C1QTNF7: variants seen among roughly 807,000 people sequenced by gnomAD.
The protein encoded by C1QTNF7 is complement C1q tumor necrosis factor-related protein 7.
A neutral mutation model predicts 19.6 loss-of-function variants in C1QTNF7; 15 were observed. The observed-to-expected ratio is 0.76, with a 90% CI of 0.51 to 1.18. The LOEUF (loss-of-function observed/expected upper bound fraction) is 1.18. C1QTNF7 is among the 50% of genes most tolerant of loss of function. The probability of loss-of-function intolerance (pLI) is 0.00; values close to 1 mark genes in which losing one functional copy is unlikely to be tolerated. For missense variants in C1QTNF7, 324 were observed against 359.7 expected, an observed-to-expected ratio of 0.90 and a Z score of 0.80; for synonymous variants, 142 against 137.5, an observed-to-expected ratio of 1.03 and a Z score of -0.23.
At chr4:15,405,147 CA>C (rs1719145732) in intron 1 of C1QTNF7, among the ~76,000 whole-genome samples, 1 of 152,182 alleles carries the variant, frequency 6.6e-6, no homozygotes, top group Non-Finnish European at 1.5e-5. Flanking sequence ...GGCACTGGTT[CA>C]GCTGCTCATT....
At chr4:15,388,894 A>G (rs777194001) in intron 1 of C1QTNF7, among the ~76,000 whole-genome samples, 14 of 152,262 alleles carry the variant, frequency 9.2e-5, no homozygotes, top group Non-Finnish European at 1.9e-4. Flanking sequence ...AGAGGACATG[A>G]GATTCACCTC....
intron 1 of C1QTNF7, among the ~76,000 whole-genome samples, chr4:15,377,179 C>A (rs1717971827): frequency 6.6e-6 from 1 of 152,130 alleles, no homozygotes; most frequent in African/African-American, 2.4e-5. Context: ...ATTGTTATAT[C>A]CAATATGACC....
intron 1 of C1QTNF7, among the ~76,000 whole-genome samples, chr4:15,361,652 T>C (rs1717347236): frequency 1.3e-5 from 2 of 152,182 alleles, no homozygotes; most frequent in Admixed American, 6.5e-5. Context: ...ACACATGCCC[T>C]GTGTAGTCAG....
chr4:15,430,519 T>C (rs191986680), intron 1 of C1QTNF7, among the ~76,000 whole-genome samples: 1 of 152,318 alleles, frequency 6.6e-6, no homozygotes, highest in East Asian at 1.9e-4. Context: ...GTATGTGGAG[T>C]GACAGCTAAG....
At chr4:15,405,776 A>G (rs1719173820) in intron 1 of C1QTNF7, among the ~76,000 whole-genome samples, 1 of 152,038 alleles carries the variant, frequency 6.6e-6, no homozygotes, top group African/African-American at 2.4e-5. Flanking sequence ...CAAATAAAAA[A>G]ACTCCTCCAC....
intron 1 of C1QTNF7, among the ~76,000 whole-genome samples, chr4:15,422,210 TAAAA>T (rs199592000): frequency 9.8e-5 from 14 of 142,870 alleles, no homozygotes; most frequent in East Asian, 4.0e-4. Context: ...TGTTTTTTTT[TAAAA>T]AAAAAAAAAA....
At chr4:15,347,513 T>A (rs1716763036) in intron 1 of C1QTNF7, among the ~76,000 whole-genome samples, 1 of 152,224 alleles carries the variant, frequency 6.6e-6, no homozygotes, top group African/African-American at 2.4e-5. Context: ...GCATGCCCTC[T>A]TGAAACAGGT....
chr4:15,436,503 T>G (rs1458781869), intron 2 of C1QTNF7, among the ~76,000 whole-genome samples: 1 of 152,246 alleles, frequency 6.6e-6, no homozygotes, highest in African/African-American at 2.4e-5. Flanking sequence ...ATAAAGGGCT[T>G]CTAAATTTTA....
intron 1 of C1QTNF7, among the ~76,000 whole-genome samples, chr4:15,430,920 C>A (rs1712276645): frequency 6.6e-6 from 1 of 151,910 alleles, no homozygotes; most frequent in African/African-American, 2.4e-5. Flanking sequence ...CTTCTAAACC[C>A]AATAAATTGA....
At chr4:15,387,403 G>A (rs980854597) in intron 1 of C1QTNF7, among the ~76,000 whole-genome samples, 1 of 152,202 alleles carries the variant, frequency 6.6e-6, no homozygotes, top group Non-Finnish European at 1.5e-5. Context: ...GATCACCAAG[G>A]GAGAGTGCAG....
At position 15,435,836 on chromosome 4, in the gene C1QTNF7, GT is replaced by G; in HGVS notation, c.94del (p.Tyr32IlefsTer50). On this transcript the variant is annotated frameshift_variant, in exon 2 of 3. Coordinates refer to ENST00000444304, the MANE Select transcript of C1QTNF7 (RefSeq NM_031911.5). LOFTEE classifies it high-confidence loss of function. ...QLKGENYSPR[Y>X]ICSIPGLPGP... ...TGAAAGGAGAGAACTACTCCCCCAG[GT>G]ATATCTGCAGCATTCCTGGCTTGCC... is the stretch of plus-strand genomic sequence containing the variant. 1 of 1,614,084 alleles carries G rather than the reference GT, an allele frequency of 6.2e-7. No individual in the cohort carries two copies.
At chr4:15,408,990 G>A (rs1404970581) in intron 1 of C1QTNF7, among the ~76,000 whole-genome samples, 1 of 152,158 alleles carries the variant, frequency 6.6e-6, no homozygotes, top group African/African-American at 2.4e-5. Context: ...AGGGCATCCT[G>A]AGCTGACTAA....
chr4:15,417,508 G>C (rs1286941813), intron 1 of C1QTNF7, among the ~76,000 whole-genome samples: 2 of 152,238 alleles, frequency 1.3e-5, no homozygotes, highest in African/African-American at 4.8e-5. Flanking sequence ...CAGGCACAGT[G>C]GTTCATGCCT....
chr4:15,356,666 A>C (rs1237561266), intron 1 of C1QTNF7, among the ~76,000 whole-genome samples: 1 of 152,214 alleles, frequency 6.6e-6, no homozygotes, highest in East Asian at 1.9e-4. Context: ...TCCTTGAGGA[A>C]TCACCACACT....
intron 1 of C1QTNF7, among the ~76,000 whole-genome samples, chr4:15,383,266 T>G (rs533294703): frequency 6.6e-6 from 1 of 152,222 alleles, no homozygotes; most frequent in African/African-American, 2.4e-5. Flanking sequence ...AAATGATAAT[T>G]TTCATGCAGC....
intron 1 of C1QTNF7, among the ~76,000 whole-genome samples, chr4:15,415,312 T>C (rs1228409613): frequency 6.6e-6 from 1 of 152,140 alleles, no homozygotes; most frequent in Non-Finnish European, 1.5e-5. Context: ...AGAAAATACA[T>C]GAAGAGAAAT....
rs61013727 is a variant in C1QTNF7, at chr4:15,367,818, A to AT, written c.13+27622dup. 2.1e-3 allele frequency among the ~76,000 whole-genome samples: 318 copies of AT among 150,022 alleles called. 1 individual carries two copies. Among genetic ancestry groups the AT allele is most frequent in the African/African-American group, 5.7e-3 (232 of 40,988 alleles). ...AATGTTAGCCAGGAAACTTGTTTTT[A>AT]TTTTTTTTTTTCACATGCAAACATT... On this transcript the variant is annotated intron_variant, in intron 1 of 2. Coordinates refer to the C1QTNF7 transcript ENST00000295297.
intron 1 of C1QTNF7, among the ~76,000 whole-genome samples, chr4:15,385,521 G>A (rs1162412098): frequency 2.0e-5 from 3 of 152,212 alleles, no homozygotes; most frequent in Admixed American, 1.3e-4. Context: ...CAGGGTGGCT[G>A]GAAAGGATCC....
chr4:15,419,717 A>C (rs1711651714), intron 1 of C1QTNF7, among the ~76,000 whole-genome samples: 1 of 152,204 alleles, frequency 6.6e-6, no homozygotes. Flanking sequence ...ATAATATATG[A>C]GGTTAAAAAA....
Sources: allele counts gnomAD v4.1 joint callset (sites outside exome capture counted in the v4.1 genomes callset), GRCh38; gene constraint gnomAD v4.1.1; transcripts MANE v1.5; gene names NCBI Gene and HGNC (gene_info 2026-07-23, HGNC 2026-07-21).